Variants in CHRM3 observed in about 807,000 individuals in gnomAD.
CHRM3 encodes the protein muscarinic acetylcholine receptor M3.
Under a neutral mutation model 41.8 loss-of-function variants are expected in CHRM3, and 11 were observed. The observed-to-expected ratio is 0.26, with a 90% CI of 0.17 to 0.44. CHRM3 has a LOEUF of 0.44. Ranked by LOEUF, CHRM3 falls within the 20% of genes least tolerant of loss-of-function variation. The probability of loss-of-function intolerance (pLI) is 1.00; values close to 1 mark genes in which losing one functional copy is unlikely to be tolerated. For synonymous variants in CHRM3, 297 were observed against 301.4 expected (o/e 0.99, Z 0.15); for missense variants, 571 against 745.4 (o/e 0.77, Z 2.72).
chr1:239,703,025 T>C (rs1472868165), intron 5 of CHRM3, among the ~76,000 whole-genome samples: 1 of 152,208 alleles, frequency 6.6e-6, no homozygotes, highest in Non-Finnish European at 1.5e-5. Context: ...TAATTCAAAG[T>C]AGTATCACCA....
chr1:239,481,383 G>T (rs116271304), intron 1 of CHRM3, among the ~76,000 whole-genome samples: 1 of 151,872 alleles, frequency 6.6e-6, no homozygotes, highest in African/African-American at 2.4e-5. Context: ...TTCACTTTCC[G>T]TTAGCACTGT....
intron 3 of CHRM3, among the ~76,000 whole-genome samples, chr1:239,549,007 A>G (rs1400506579): frequency 1.3e-5 from 2 of 152,190 alleles, no homozygotes; most frequent in Admixed American, 6.5e-5. Context: ...CCTCACAATC[A>G]TGGTGGAAAG....
At chr1:239,476,322 C>T (rs746513603) in intron 1 of CHRM3, among the ~76,000 whole-genome samples, 14 of 151,956 alleles carry the variant, frequency 9.2e-5, no homozygotes, top group African/African-American at 2.4e-4. Flanking sequence ...AAAAATTAGC[C>T]GGGCATGTTG....
Position 239,618,627 on chromosome 1 carries a change from G to A in CHRM3, c.-312-13597G>A, listed in dbSNP as rs191692865. ...TGGGAGGCCAAGGCGGTCGGATCAC[G>A]AGGTCAGGAGATCGAGACCATCCTG... On this transcript the variant is annotated intron_variant, in intron 3 of 6. Transcript: ENST00000676153. Among the ~76,000 whole-genome samples the A allele has an allele frequency of 9.8e-3, 1,483 of 151,496 alleles. 19 individuals are homozygous for A. The highest frequency in any genetic ancestry group is 0.029 in the African/African-American group (1,218 of 41,298).
chr1:239,557,318 C>T (rs1660454421), intron 3 of CHRM3, among the ~76,000 whole-genome samples: 1 of 152,146 alleles, frequency 6.6e-6, no homozygotes, highest in East Asian at 1.9e-4. Context: ...TTTTCTACTT[C>T]AACTATGGCA....
chr1:239,508,940 C>T (rs1482350053), intron 2 of CHRM3, among the ~76,000 whole-genome samples: 1 of 152,108 alleles, frequency 6.6e-6, no homozygotes, highest in African/African-American at 2.4e-5. Flanking sequence ...GTAGGGAAGA[C>T]TAGAAGAAGC....
At chr1:239,493,613 A>G (rs1437037146) in intron 2 of CHRM3, among the ~76,000 whole-genome samples, 2 of 152,198 alleles carry the variant, frequency 1.3e-5, no homozygotes, top group Non-Finnish European at 2.9e-5. Flanking sequence ...TAAGGCTGAT[A>G]AAAGCAAGAG....
intron 6 of CHRM3, among the ~76,000 whole-genome samples, chr1:239,866,264 C>T (rs1297644582): frequency 1.3e-5 from 2 of 152,066 alleles, no homozygotes; most frequent in Admixed American, 6.5e-5. Flanking sequence ...GTAGTCCCAG[C>T]TACTCGGGAG....
intron 5 of CHRM3, among the ~76,000 whole-genome samples, chr1:239,764,393 G>A (rs1161130117): frequency 6.6e-6 from 1 of 152,190 alleles, no homozygotes; most frequent in Non-Finnish European, 1.5e-5. Flanking sequence ...GAAAGAATTA[G>A]CATAGAAGCT....
At chr1:239,766,052 G>A (rs919833011) in intron 5 of CHRM3, among the ~76,000 whole-genome samples, 7 of 152,092 alleles carry the variant, frequency 4.6e-5, no homozygotes, top group African/African-American at 9.7e-5. Context: ...GACATCAGGT[G>A]ATCCACCCGC....
intron 4 of CHRM3, among the ~76,000 whole-genome samples, chr1:239,662,959 C>CTCTTCT: frequency 3.0e-5 from 2 of 65,902 alleles, no homozygotes; most frequent in Non-Finnish European, 6.0e-5. Context: ...CTCCTTTCTC[C>CTCTTCT]TCTTCCTTCT....
At chr1:239,806,940 C>T (rs976623473) in intron 5 of CHRM3, among the ~76,000 whole-genome samples, 2 of 152,086 alleles carry the variant, frequency 1.3e-5, no homozygotes, top group East Asian at 3.9e-4. Flanking sequence ...TAGTACCTGC[C>T]GTCATTCCAT....
At chr1:239,786,943 C>G (rs966728157) in intron 5 of CHRM3, among the ~76,000 whole-genome samples, 1 of 152,148 alleles carries the variant, frequency 6.6e-6, no homozygotes, top group African/African-American at 2.4e-5. Flanking sequence ...TGCAAGCAAA[C>G]TCAATGATAA....
rs759197629 is a variant in CHRM3, at chr1:239,908,459, T to C, written c.1008T>C (p.Ser336=). Residue 336 remains serine, a synonymous_variant, in exon 7 of 7, where the codon AGT becomes AGC. Coordinates refer to ENST00000676153, the MANE Select transcript of CHRM3 (RefSeq NM_001375978.1). This position sits in a 1 kb window ranked among gnomAD's most constrained non-coding sequence, Gnocchi z 7.2. The stretch of plus-strand genomic sequence containing the variant: ...ACCAAGACCACAGCAGCAGTGACAG[T>C]TGGAACAACAATGATGCTGCTGCCT... The part of the protein sequence containing the change: ...QMDQDHSSSD[S]WNNNDAAASL... 6.2e-7 allele frequency: 1 copy of C among 1,613,196 alleles called. No homozygotes were observed. Among genetic ancestry groups the C allele is most frequent in the South Asian group, 1.1e-5 (1 of 90,962 alleles).
At chr1:239,477,411 T>C (rs555786730) in intron 1 of CHRM3, among the ~76,000 whole-genome samples, 6 of 152,320 alleles carry the variant, frequency 3.9e-5, no homozygotes, top group Admixed American at 3.9e-4. Flanking sequence ...TTCTTGGTTT[T>C]AAAATCCATT....
chr1:239,774,686 G>A (rs1444111404), intron 5 of CHRM3, among the ~76,000 whole-genome samples: 1 of 152,248 alleles, frequency 6.6e-6, no homozygotes, highest in Middle Eastern at 3.4e-3. Flanking sequence ...AAAACCTGGG[G>A]TTGCACTGGT....
chr1:239,443,558 C>T (rs17645304), intron 1 of CHRM3, among the ~76,000 whole-genome samples: 24,717 of 152,054 alleles, frequency 0.16, 2,656 homozygotes, highest in Non-Finnish European at 0.22. Flanking sequence ...AAGATTTTTC[C>T]GGCTGTTTAA....
At chr1:239,901,332 A>AT (rs543910211) in intron 6 of CHRM3, among the ~76,000 whole-genome samples, 147 of 143,094 alleles carry the variant, frequency 1.0e-3, no homozygotes, top group South Asian at 2.5e-3. Flanking sequence ...AAACTTTGGG[A>AT]TTTTTTTTTT....
At chr1:239,624,539 A>G (rs1033777574) in intron 3 of CHRM3, among the ~76,000 whole-genome samples, 4 of 150,440 alleles carry the variant, frequency 2.7e-5, no homozygotes, top group Non-Finnish European at 4.4e-5. Flanking sequence ...TTTTGTTGCC[A>G]TTGCTTTTGG....
Sources: gnomAD v4.1 joint callset for allele counts (sites outside exome capture counted in the v4.1 genomes callset) on GRCh38, gnomAD v4.1.1 for gene constraint, Gnocchi (gnomAD v3.1) non-coding constraint, MANE v1.5 for transcripts, NCBI Gene and HGNC (gene_info 2026-07-23, HGNC 2026-07-21) for gene names.